PLA2G4F: variants seen among roughly 807,000 people sequenced by gnomAD.
PLA2G4F encodes phospholipase A2 group IVF.
A neutral mutation model predicts 103.1 loss-of-function variants in PLA2G4F; 105 were observed. The observed-to-expected ratio is 1.02, with a 90% CI of 0.87 to 1.20. The LOEUF (loss-of-function observed/expected upper bound fraction) is 1.20. Ranked by LOEUF, PLA2G4F falls within the 50% of genes most tolerant of loss-of-function variation. PLA2G4F has a pLI of 0.00. For missense variants in PLA2G4F, 1,155 were observed against 1,075.9 expected (o/e 1.07, Z -1.03); for synonymous variants, 468 against 441.1 (o/e 1.06, Z -0.76).
In PLA2G4F at chr15:42,149,718, C is replaced by T. The variant is rs747119962; in HGVS notation, c.1054G>A (p.Gly352Ser). 6.2e-7 allele frequency: 1 copy of T among 1,614,194 alleles called. No individual in the cohort carries two copies. Among genetic ancestry groups the T allele is most frequent in the Admixed American group, 1.7e-5 (1 of 60,030 alleles). ...GCTCCTCCTCCATTACGTACCTGGC[C>T]ACTGTCCAGAGCCTCACTCAATCCC... ...VLGLSEALDS[G>S]QVPVVAVLGS... The change falls in exon 11 of 20, where the codon GGC becomes AGC. Residue 352 changes from glycine to serine, a missense_variant. Gly to Ser is a moderately conservative substitution (Grantham distance 56). Transcript: ENST00000397272.
At position 42,144,522 on chromosome 15, in the gene PLA2G4F, T is replaced by C. The variant is rs142604776; in HGVS notation, c.1903A>G (p.Ser635Gly). The C allele has an allele frequency of 3.1e-5, 50 of 1,612,432 alleles. No individual in the cohort carries two copies. In the African/African-American group the frequency reaches 6.1e-4, roughly 20 times the overall value. Residue 635 changes from serine to glycine, a missense_variant, in exon 17 of 20, where the codon AGC (serine) becomes GGC (glycine). Ser to Gly is a moderately conservative substitution (Grantham distance 56). Transcript: ENST00000397272. ...IFTSRFTSAQ[S>G]FNFTRGLCLH... ...CAGAGACCCCGGGTGAAGTTAAAGC[T>C]CTGGGCGGAAGTGAAGCGGGAGGTG...
At position 42,149,848 on chromosome 15, in the gene PLA2G4F, G is replaced by A; in HGVS notation, c.924C>T (p.Ser308=). 1 of 1,614,188 alleles carries A rather than the reference G, an allele frequency of 6.2e-7. No individual in the cohort carries two copies. The highest frequency in any genetic ancestry group is 8.5e-7 in the Non-Finnish European group (1 of 1,180,026). The change falls in exon 11 of 20, where the codon AGC becomes AGT. Residue 308 remains serine (S), a splice_region_variant and synonymous_variant. Transcript: ENST00000397272. ...CAAGGCGTAGGTCTAGGTCCCCGGA[G>A]CTGCCTCAAGTAGGGTGGGGTGGCG... is the stretch of plus-strand genomic sequence containing the variant. The part of the protein sequence containing the change: ...EVALSMKVEM[S]SGDLDLRLGF...
chr15:42,147,384 A>G (rs767676351), intron 12 of PLA2G4F, 38 bp from the exon 13 acceptor site: 3 of 1,570,170 alleles, frequency 1.9e-6, no homozygotes, highest in Non-Finnish European at 1.7e-6. Context: ...GGGGCAGGAG[A>G]GCACAGCCAC....
chr15:42,142,146 T>C lies in PLA2G4F; in HGVS notation c.2388A>G (p.Pro796=). The C allele has an allele frequency of 1.2e-6, 2 of 1,614,200 alleles. No homozygotes were observed. The highest frequency in any genetic ancestry group is 1.7e-6 in the Non-Finnish European group (2 of 1,180,030). The change falls in exon 20 of 20, where the codon CCA becomes CCG. Residue 796 remains proline, a synonymous_variant. Transcript: ENST00000397272. ...AGTTCATCATGCCATAGGGGGTGTCTGGCCTGTTGATGACAAAGTCCCCAA... is the reference window on the plus strand; with the variant it reads ...AGTTCATCATGCCATAGGGGGTGTCCGGCCTGTTGATGACAAAGTCCCCAA... ...KAFGDFVINR[P]DTPYGMMNFT...
At position 42,153,601 on chromosome 15, in the gene PLA2G4F, T is replaced by C. The variant is rs1355750151; in HGVS notation, c.491+19A>G. 3 of 1,614,032 alleles carry C rather than the reference T, an allele frequency of 1.9e-6. No individual in the cohort carries two copies. Among genetic ancestry groups the C allele is most frequent in the Non-Finnish European group, 2.5e-6 (3 of 1,179,886 alleles). Reference sequence around the variant, plus strand: ...CAAATCTCTGAGTCTCTGAGGGCGTTGGCTCTACCAGAACTCACCTCTTCT... The same window carrying C: ...CAAATCTCTGAGTCTCTGAGGGCGTCGGCTCTACCAGAACTCACCTCTTCT... On this transcript the variant is annotated intron_variant, in intron 5 of 19. Transcript: ENST00000397272.
At chr15:42,150,225 G>A in intron 9 of PLA2G4F, 84 bp from the exon 10 acceptor site, 1 of 1,590,510 alleles carries the variant, frequency 6.3e-7, no homozygotes, top group Non-Finnish European at 8.6e-7. Context: ...AGCCCTTGCT[G>A]CCCTGCGATC....
intron 7 of PLA2G4F, chr15:42,151,322 A>G (rs749135372): frequency 6.3e-5 from 62 of 985,128 alleles, no homozygotes; most frequent in Non-Finnish European, 7.5e-5. Context: ...GTCCTGGAGA[A>G]GCGGCGGAGG....
chr15:42,152,827 CTAG>C, intron 6 of PLA2G4F, 73 bp from the exon 7 acceptor site: 1 of 1,428,224 alleles, frequency 7.0e-7, no homozygotes, highest in Non-Finnish European at 9.5e-7. Flanking sequence ...GGAGGAGTGC[CTAG>C]GGCAGGGTCT....
chr15:42,148,168 C>A (rs1248385506), intron 11 of PLA2G4F, among the ~76,000 whole-genome samples: 14 of 131,692 alleles, frequency 1.1e-4, no homozygotes, highest in Non-Finnish European at 1.8e-4. Context: ...GGCGACAGAG[C>A]GAGACTCCGT....
chr15:42,149,635 C>G, intron 11 of PLA2G4F, 78 bp downstream of exon 11: 1 of 1,577,054 alleles, frequency 6.3e-7, no homozygotes, highest in Non-Finnish European at 8.6e-7. Context: ...CCCCTCTTAG[C>G]CATGCTGGTC....
chr15:42,142,688 G>C lies in PLA2G4F; in HGVS notation c.2169C>G (p.Cys723Trp), dbSNP rs368905823. The C allele has an allele frequency of 6.2e-7, 1 of 1,613,956 alleles. No individual in the cohort carries two copies. The highest frequency in any genetic ancestry group is 8.5e-7 in the Non-Finnish European group (1 of 1,180,036). Residue 723 changes from cysteine to tryptophan, a missense_variant, in exon 19 of 20, where the codon TGC becomes TGG. Physicochemically the swap from Cys to Trp is radical, Grantham distance 215. Coordinates refer to ENST00000397272, the MANE Select transcript of PLA2G4F (RefSeq NM_213600.4). Reference protein sequence around the residue: ...FEVLKMTEKYCLDRGIPFPSI... With the variant: ...FEVLKMTEKYWLDRGIPFPSI... ...TAGGGAAGGGGATTCCTCGGTCCAGGCAGTACTTCTCTGTCATCTTCAAGA... is the reference window on the plus strand; with the variant it reads ...TAGGGAAGGGGATTCCTCGGTCCAGCCAGTACTTCTCTGTCATCTTCAAGA...
At chr15:42,151,037 G>A (rs2048956138) in intron 7 of PLA2G4F, 1 of 985,312 alleles carries the variant, frequency 1.0e-6, no homozygotes. Flanking sequence ...AAGGCAGGGA[G>A]CGGGGAGGGA....
chr15:42,147,408 G>T, intron 12 of PLA2G4F, 62 bp from the exon 13 acceptor site: 1 of 1,514,216 alleles, frequency 6.6e-7, no homozygotes, highest in Non-Finnish European at 9.0e-7. Flanking sequence ...AGAGAGGGGT[G>T]CAGAGTCTGT....
At chr15:42,144,353 A>G in intron 17 of PLA2G4F, 97 bp downstream of exon 17, 1 of 1,511,896 alleles carries the variant, frequency 6.6e-7, no homozygotes, top group Non-Finnish European at 9.1e-7. Context: ...AGGAGACCAC[A>G]CCTCAACCCC....
At chr15:42,146,024 G>A in intron 14 of PLA2G4F, 103 bp downstream of exon 14, 1 of 1,581,048 alleles carries the variant, frequency 6.3e-7, no homozygotes, top group South Asian at 1.1e-5. Context: ...GCTCCAAGGT[G>A]CCTGTGTGCA....
At chr15:42,152,640 A>C in intron 7 of PLA2G4F, 48 bp downstream of exon 7, 1 of 1,545,762 alleles carries the variant, frequency 6.5e-7, no homozygotes, top group Middle Eastern at 1.7e-4. Flanking sequence ...CAGTAGTTCC[A>C]ACCCCGGGAG....
intron 3 of PLA2G4F, 37 bp from the exon 4 acceptor site, chr15:42,154,257 T>C: frequency 3.1e-6 from 5 of 1,613,886 alleles, no homozygotes; most frequent in Non-Finnish European, 4.2e-6. Flanking sequence ...GAGCATGAGG[T>C]AGGACAGGAG....
chr15:42,142,756 T>C (rs755096375), intron 18 of PLA2G4F, 42 bp from the exon 19 acceptor site: 1 of 1,606,142 alleles, frequency 6.2e-7, no homozygotes, highest in Non-Finnish European at 8.5e-7. Context: ...TCCTCCACCC[T>C]GGCCACTCCC....
Position 42,139,386 on chromosome 15 carries a change from C to T in PLA2G4F, c.*2598G>A, listed in dbSNP as rs1314270868. 1 of 152,392 alleles carries T rather than the reference C, an allele frequency of 6.6e-6. No homozygotes were observed. The highest frequency in any genetic ancestry group is 2.4e-5 in the African/African-American group (1 of 41,436). 9.4% of individuals were successfully genotyped at this position (152,392 alleles called of 1,614,324 possible). On this transcript the variant is annotated 3_prime_UTR_variant, in exon 20 of 20. Coordinates refer to ENST00000397272, the MANE Select transcript of PLA2G4F (RefSeq NM_213600.4). The stretch of plus-strand genomic sequence containing the variant: ...ACCTTTCAGAAGGCCTGCTCCTTTC[C>T]CTATAGCTTCTCCCACCACTCTGAC...
Sources: gnomAD v4.1 joint callset for allele counts (sites outside exome capture counted in the v4.1 genomes callset) on GRCh38, gnomAD v4.1.1 for gene constraint, MANE v1.5 for transcripts, NCBI Gene and HGNC (gene_info 2026-07-23, HGNC 2026-07-21) for gene names.